Variants in PGAP1 observed in about 807,000 individuals in gnomAD.
PGAP1 encodes GPI inositol-deacylase.
A neutral mutation model predicts 127.0 loss-of-function variants in PGAP1; 76 were observed. The observed-to-expected ratio is 0.60, with a 90% CI of 0.50 to 0.72. PGAP1 has a LOEUF of 0.72. Among genes scored for constraint, PGAP1 ranks in the 30% least tolerant of loss-of-function variants. The pLI is 0.00. For synonymous variants in PGAP1, 362 were observed against 366.5 expected (o/e 0.99, Z 0.14); for missense variants, 982 against 1,071.3 (o/e 0.92, Z 1.16).
At chr2:196,889,786 G>A (rs1228737662) in intron 10 of PGAP1, among the ~76,000 whole-genome samples, 2 of 149,962 alleles carry the variant, frequency 1.3e-5, no homozygotes, top group African/African-American at 2.5e-5. Flanking sequence ...GTGAACCCGG[G>A]AGGTGGAGCT....
Position 196,844,516 on chromosome 2 carries a change from A to C in PGAP1, c.2337+8T>G. The C allele has an allele frequency of 6.3e-7, 1 of 1,584,404 alleles. No homozygotes were observed. Among genetic ancestry groups the C allele is most frequent in the Non-Finnish European group, 8.6e-7 (1 of 1,167,508 alleles). On this transcript the variant is annotated splice_region_variant and intron_variant, in intron 24 of 26. Transcript: ENST00000354764. ...AAATTTATGTAGAGTTTTGAAAATA[A>C]AACTTACCACAGGCTGGCTATTCTT...
chr2:196,897,921 A>G (rs764301667), intron 6 of PGAP1, among the ~76,000 whole-genome samples: 11 of 152,324 alleles, frequency 7.2e-5, no homozygotes, highest in Admixed American at 3.9e-4. Flanking sequence ...AAGTTCTAAG[A>G]AAGTTAACAA....
At chr2:196,868,558 A>G (rs1230388018) in intron 19 of PGAP1, among the ~76,000 whole-genome samples, 1 of 152,180 alleles carries the variant, frequency 6.6e-6, no homozygotes, top group Admixed American at 6.5e-5. Flanking sequence ...AAAAATTCAG[A>G]TTTCTAGGTT....
chr2:196,844,218 A>G, intron 24 of PGAP1, 143 bp from the exon 25 acceptor site: 1 of 549,922 alleles, frequency 1.8e-6, no homozygotes, highest in Non-Finnish European at 3.0e-6. Context: ...ACTTTGCTTA[A>G]AAATACTTTA....
chr2:196,926,424 G>T, intron 1 of PGAP1, 46 bp downstream of exon 1: 1 of 1,611,322 alleles, frequency 6.2e-7, no homozygotes, highest in Non-Finnish European at 8.5e-7. Flanking sequence ...AGGCACCAGG[G>T]GCCAGAGTCT....
In PGAP1 at chr2:196,839,915, T is replaced by C. The variant is rs1368437282; in HGVS notation, c.*1319A>G. The C allele has an allele frequency of 2.0e-5, 3 of 152,246 alleles. No individual in the cohort carries two copies. Among genetic ancestry groups the C allele is most frequent in the African/African-American group, 7.2e-5 (3 of 41,456 alleles). The allele number at this position is 152,246 out of a possible 1,614,324, so 9.4% of individuals were successfully genotyped here. The stretch of plus-strand genomic sequence containing the variant: ...AGGCTTTGTGGAATCACTAAAACTT[T>C]AGTTGAGAGGATTTGGGCATTTACA... On this transcript the variant is annotated 3_prime_UTR_variant, in exon 27 of 27. Transcript: ENST00000354764.
At chr2:196,887,802 A>C (rs1055448941) in intron 10 of PGAP1, among the ~76,000 whole-genome samples, 2 of 152,224 alleles carry the variant, frequency 1.3e-5, no homozygotes, top group Admixed American at 6.5e-5. Context: ...TGTAGGCAAA[A>C]TACTTGTGTG....
chr2:196,862,275 C>A (rs929602823), intron 20 of PGAP1, among the ~76,000 whole-genome samples: 6 of 151,990 alleles, frequency 3.9e-5, no homozygotes, highest in Admixed American at 3.3e-4. Flanking sequence ...GTGAAATAGA[C>A]CCCAGTCTCT....
rs184552824 is a variant in PGAP1, at chr2:196,925,439, T to C, written c.147+1031A>G. On this transcript the variant is annotated intron_variant, in intron 1 of 26. Transcript: ENST00000354764. ...TATGTTATAGTGCATATACATTTTA[T>C]GGTAGGGAATTATTACAATAGGTAG... Among the ~76,000 whole-genome samples, 18 of 152,334 alleles carry C rather than the reference T, an allele frequency of 1.2e-4. No homozygotes were observed. The East Asian group carries it at 3.1e-3, about 26-fold the overall frequency.
rs145875142 is a variant in PGAP1, at chr2:196,834,142, A to G, written c.*7092T>C. 1.3e-5 allele frequency: 2 copies of G among 152,050 alleles called. No homozygotes were observed. The highest frequency in any genetic ancestry group is 1.3e-4 in the Admixed American group (2 of 15,268). The allele number at this position is 152,050 out of a possible 1,614,324, so 9.4% of individuals were successfully genotyped here. ...AGACAAAAAATTACATTTGAAGATT[A>G]GTTTTTCCAAGTGTGGTAAGTTCAG... On this transcript the variant is annotated 3_prime_UTR_variant, in exon 27 of 27. Coordinates refer to ENST00000354764, the MANE Select transcript of PGAP1 (RefSeq NM_024989.4).
In PGAP1 at chr2:196,902,765, C is replaced by T. The variant is rs146868224; in HGVS notation, c.650-23G>A. 20 of 1,556,760 alleles carry T rather than the reference C, an allele frequency of 1.3e-5. No homozygotes were observed. In the African/African-American group the frequency reaches 2.7e-4, roughly 21 times the overall value. On this transcript the variant is annotated intron_variant, in intron 4 of 26. Coordinates refer to ENST00000354764, the MANE Select transcript of PGAP1 (RefSeq NM_024989.4). ...AATCTGGTGGGGAATAAAAAAGAGA[C>T]ATTAAAAAACAGTAGCCATTCCCTG...
chr2:196,864,263 G>T (rs768070387), intron 20 of PGAP1, among the ~76,000 whole-genome samples: 2 of 151,526 alleles, frequency 1.3e-5, no homozygotes, highest in Non-Finnish European at 2.9e-5. Flanking sequence ...GGTTGCGGGT[G>T]CCTGTAATCC....
At chr2:196,879,694 C>CA (rs1276662237) in intron 13 of PGAP1, among the ~76,000 whole-genome samples, 3 of 151,902 alleles carry the variant, frequency 2.0e-5, no homozygotes, top group Non-Finnish European at 2.9e-5. Context: ...GACTCTTTCT[C>CA]AAAAAAACAA....
chr2:196,858,372 A>G (rs1395310164), intron 20 of PGAP1, among the ~76,000 whole-genome samples: 1 of 152,038 alleles, frequency 6.6e-6, no homozygotes, highest in Non-Finnish European at 1.5e-5. Flanking sequence ...ACCACACTCC[A>G]GCCTGGGCGA....
intron 6 of PGAP1, among the ~76,000 whole-genome samples, chr2:196,897,951 T>C (rs1301530605): frequency 6.6e-6 from 1 of 152,156 alleles, no homozygotes; most frequent in Non-Finnish European, 1.5e-5. Context: ...GGTGTGGTGG[T>C]TCACCCCTGC....
intron 20 of PGAP1, among the ~76,000 whole-genome samples, chr2:196,860,248 A>G (rs1175997157): frequency 6.6e-6 from 1 of 152,128 alleles, no homozygotes; most frequent in African/African-American, 2.4e-5. Flanking sequence ...AGAAATCAAG[A>G]GGGCTGGGCG....
chr2:196,904,681 TTGCGCCAC>T (rs1702630308), intron 4 of PGAP1, among the ~76,000 whole-genome samples: 1 of 151,996 alleles, frequency 6.6e-6, no homozygotes, highest in African/African-American at 2.4e-5. Flanking sequence ...TGAGCCGAGA[TTGCGCCAC>T]TGCACTCCAG....
At chr2:196,900,514 T>A (rs959226326) in intron 5 of PGAP1, among the ~76,000 whole-genome samples, 4 of 152,230 alleles carry the variant, frequency 2.6e-5, no homozygotes, top group Non-Finnish European at 4.4e-5. Flanking sequence ...AAGACTGGAA[T>A]ATCTGGAGGC....
intron 20 of PGAP1, 65 bp from the exon 21 acceptor site, chr2:196,848,102 C>T (rs1379350408): frequency 3.7e-6 from 4 of 1,079,802 alleles, no homozygotes; most frequent in East Asian, 2.6e-5. Flanking sequence ...CTATATCCCA[C>T]GTTCTCTAAA....
Sources: gnomAD v4.1 joint callset for allele counts (sites outside exome capture counted in the v4.1 genomes callset) on GRCh38, gnomAD v4.1.1 for gene constraint, MANE v1.5 for transcripts, NCBI Gene and HGNC (gene_info 2026-07-23, HGNC 2026-07-21) for gene names.